Variants in IFT25 observed in about 807,000 individuals in gnomAD.
The protein encoded by IFT25 is intraflagellar transport 25.
At chr1:53,936,049 C>T in the IFT25 span, among the ~76,000 whole-genome samples, 894 of 151,514 alleles carry the variant, frequency 5.9e-3, 7 homozygotes, top group African/African-American at 0.021. Flanking sequence ...ATTATGAGGC[C>T]AGGAGTTTGA....
the IFT25 span, among the ~76,000 whole-genome samples, chr1:53,924,801 C>T: frequency 6.6e-6 from 1 of 152,172 alleles, no homozygotes; most frequent in Non-Finnish European, 1.5e-5. Context: ...CGCGCCACTG[C>T]ACTCCAGCCT....
chr1:53,935,283 G>A, the IFT25 span, among the ~76,000 whole-genome samples: 1,058 of 152,214 alleles, frequency 7.0e-3, 13 homozygotes, highest in African/African-American at 0.025. Flanking sequence ...ACTGCACTCC[G>A]ACACTGTTTC....
the IFT25 span, among the ~76,000 whole-genome samples, chr1:53,915,140 T>G: frequency 6.6e-6 from 1 of 152,232 alleles, no homozygotes; most frequent in East Asian, 1.9e-4. Flanking sequence ...AAATGAACGA[T>G]GTTCACTTAT....
the IFT25 span, among the ~76,000 whole-genome samples, chr1:53,923,303 A>C: frequency 6.6e-6 from 1 of 152,206 alleles, no homozygotes; most frequent in African/African-American, 2.4e-5. Flanking sequence ...CACCTAATAG[A>C]TATTCAGTTG....
At chr1:53,911,975 AAGG>A in the IFT25 span, among the ~76,000 whole-genome samples, 7 of 152,140 alleles carry the variant, frequency 4.6e-5, no homozygotes, top group African/African-American at 7.2e-5. Context: ...TTGGAGGTGG[AAGG>A]AGGACAAGAC....
At chr1:53,940,954 ATTT>A in the IFT25 span, among the ~76,000 whole-genome samples, 55 of 147,524 alleles carry the variant, frequency 3.7e-4, 1 homozygote, top group Non-Finnish European at 7.5e-5. Context: ...CCAAAAAAAA[ATTT>A]TTTTTTTTCT....
the IFT25 span, among the ~76,000 whole-genome samples, chr1:53,917,915 C>T: frequency 6.6e-6 from 1 of 152,188 alleles, no homozygotes; most frequent in Non-Finnish European, 1.5e-5. Context: ...GTCATAGGAG[C>T]TCTTAGGTCT....
At chr1:53,938,038 C>A in the IFT25 span, among the ~76,000 whole-genome samples, 5 of 152,192 alleles carry the variant, frequency 3.3e-5, no homozygotes, top group Non-Finnish European at 7.4e-5. Context: ...TCAGTTGATT[C>A]TGCCTCTTGC....
At chr1:53,928,539 A>C in the IFT25 span, 1 of 801,692 alleles carries the variant, frequency 1.2e-6, no homozygotes, top group Non-Finnish European at 2.1e-6. Context: ...TGCACAGTGG[A>C]ACTACACAGA....
At chr1:53,927,764 AAGACCT>A in the IFT25 span, among the ~76,000 whole-genome samples, 2 of 152,184 alleles carry the variant, frequency 1.3e-5, no homozygotes, top group Non-Finnish European at 2.9e-5. Context: ...GCTCCTTGTC[AAGACCT>A]TAGGTTATAA....
the IFT25 span, chr1:53,921,735 G>C: frequency 1.9e-6 from 3 of 1,613,724 alleles, no homozygotes; most frequent in Non-Finnish European, 2.5e-6. Flanking sequence ...ATACAATAAT[G>C]AATCTCAAGT....
the IFT25 span, chr1:53,929,918 CAA>C: frequency 3.0e-6 from 4 of 1,350,194 alleles, no homozygotes; most frequent in South Asian, 2.0e-5. Context: ...AGTGTTTTGC[CAA>C]AAGTTTACAT....
the IFT25 span, among the ~76,000 whole-genome samples, chr1:53,936,112 C>A: frequency 3.3e-5 from 5 of 151,318 alleles, no homozygotes; most frequent in Non-Finnish European, 7.4e-5. Context: ...AAAAAAGAAA[C>A]CCTGTCTCTA....
the IFT25 span, among the ~76,000 whole-genome samples, chr1:53,925,706 A>C: frequency 6.6e-6 from 1 of 151,736 alleles, no homozygotes; most frequent in South Asian, 2.1e-4. Context: ...TATCAAACAT[A>C]CTTAGGAGAG....
chr1:53,930,512 G>A, the IFT25 span, among the ~76,000 whole-genome samples: 1 of 152,000 alleles, frequency 6.6e-6, no homozygotes, highest in Non-Finnish European at 1.5e-5. Context: ...CTGCAAATAT[G>A]TTAGGCAGGC....
chr1:53,920,785 C>T, the IFT25 span, among the ~76,000 whole-genome samples: 1 of 150,854 alleles, frequency 6.6e-6, no homozygotes, highest in African/African-American at 2.4e-5. Flanking sequence ...TTTACTCCAG[C>T]CTGGGTGACA....
chr1:53,934,531 T>C, the IFT25 span, among the ~76,000 whole-genome samples: 3 of 152,224 alleles, frequency 2.0e-5, no homozygotes, highest in South Asian at 4.1e-4. Context: ...TAAGTTGGTA[T>C]TTTAAAATAA....
the IFT25 span, among the ~76,000 whole-genome samples, chr1:53,913,267 C>T: frequency 2.0e-4 from 31 of 152,326 alleles, 1 homozygote; most frequent in Middle Eastern, 3.4e-3. Context: ...CAGACTGAGG[C>T]TAGACTTCAG....
the IFT25 span, among the ~76,000 whole-genome samples, chr1:53,940,598 A>G: frequency 6.6e-6 from 1 of 152,260 alleles, no homozygotes; most frequent in African/African-American, 2.4e-5. Flanking sequence ...GATACATTCT[A>G]AATATAAAGA....
Sources: allele counts gnomAD v4.1 joint callset (sites outside exome capture counted in the v4.1 genomes callset), GRCh38; gene constraint gnomAD v4.1.1; transcripts MANE v1.5; gene names NCBI Gene and HGNC (gene_info 2026-07-23, HGNC 2026-07-21).